Variants in LMNA observed in about 807,000 individuals in gnomAD.
LMNA encodes lamin.
In LMNA, 20 loss-of-function variants were observed where a neutral mutation model predicts 70.4. That is an observed-to-expected ratio of 0.28 (90% CI 0.20 to 0.41). LMNA has a LOEUF of 0.41. LMNA is among the 10% of genes least tolerant of loss of function. The probability of loss-of-function intolerance (pLI) is 1.00; values close to 1 mark genes in which losing one functional copy is unlikely to be tolerated. For missense variants in LMNA, 652 were observed against 917.2 expected (o/e 0.71, Z 3.73); for synonymous variants, 339 against 372.8 (o/e 0.91, Z 1.04).
Position 156,134,686 on chromosome 1 carries a change from A to C in LMNA, c.640-119A>C. 6.5e-7 allele frequency: 1 copy of C among 1,549,744 alleles called. No individual in the cohort carries two copies. The highest frequency in any genetic ancestry group is 1.1e-5 in the South Asian group (1 of 88,926). ...TGGCCAGCACTCAGCTCCCAGGTTA[A>C]AGTGGGGCTGGTAGTGGCTCATGGA... On this transcript the variant is annotated intron_variant, in intron 3 of 11. Transcript: ENST00000368300. The surrounding 1 kb of genome is among the most constrained non-coding windows in gnomAD (Gnocchi z 5.3).
At chr1:156,126,547 TC>T in intron 1 of LMNA, 1 of 754,250 alleles carries the variant, frequency 1.3e-6, no homozygotes, top group Non-Finnish European at 2.4e-6. Flanking sequence ...CTGGTGCCTT[TC>T]TTCCCCAAAC....
intron 3 of LMNA, among the ~76,000 whole-genome samples, chr1:156,105,510 A>G (rs746026209): frequency 7.9e-5 from 12 of 152,046 alleles, no homozygotes; most frequent in Non-Finnish European, 1.6e-4. Context: ...CCTGGCTGGG[A>G]GTTCACTTTC....
intron 2 of LMNA, 29 bp downstream of exon 2, chr1:156,130,802 G>A (rs1262889028): frequency 6.4e-7 from 1 of 1,554,342 alleles, no homozygotes. Flanking sequence ...GCCCACCCAT[G>A]GCCCCACCTA....
intron 2 of LMNA, among the ~76,000 whole-genome samples, chr1:156,084,636 G>C (rs1439758943): frequency 6.6e-6 from 1 of 152,136 alleles, no homozygotes; most frequent in East Asian, 1.9e-4. Flanking sequence ...TGGTACTGGG[G>C]ACCATGGGGT....
In LMNA at chr1:156,138,644, A is replaced by G; in HGVS notation, c.1855A>G (p.Ser619Gly). ...GPISSGSSASSVTVTRSYRSV... is the reference protein window; with the variant it reads ...GPISSGSSASGVTVTRSYRSV... ...CATCTCCTCTGGCTCTTCTGCCTCC[A>G]GTGTCACGGTCACTCGCAGCTACCG... Residue 619 changes from serine (S) to glycine (G), a missense_variant, in exon 11 of 12, where the codon AGT becomes GGT. Around this residue, in one of 4 missense-constraint regions of LMNA, gnomAD observed 327 missense variants for 387.6 expected, o/e 0.84. Transcript: ENST00000368300. The surrounding 1 kb of genome is among the most constrained non-coding windows in gnomAD (Gnocchi z 5.5). 1 of 1,613,544 alleles carries G rather than the reference A, an allele frequency of 6.2e-7. No individual in the cohort carries two copies.
intron 3 of LMNA, among the ~76,000 whole-genome samples, chr1:156,104,457 G>C (rs1324333684): frequency 6.6e-6 from 1 of 151,900 alleles, no homozygotes; most frequent in Non-Finnish European, 1.5e-5. Context: ...CCCTATTCCA[G>C]AGCCCCCTGG....
At chr1:156,114,645 G>T, upstream of LMNA, 1 of 307,032 alleles carries the variant, frequency 3.3e-6, no homozygotes. Context: ...GCCCCTTTAA[G>T]AGTAGTGGCC....
At chr1:156,093,325 T>A (rs887715396) in intron 3 of LMNA, among the ~76,000 whole-genome samples, 2 of 147,954 alleles carry the variant, frequency 1.4e-5, no homozygotes, top group South Asian at 2.1e-4. Context: ...TTTTTTTTTT[T>A]AGATAGGTTC....
At chr1:156,106,722 G>A (rs1286975014) in intron 3 of LMNA, 5 of 144,490 alleles carry the variant, frequency 3.5e-5, no homozygotes, top group Non-Finnish European at 7.5e-5. Context: ...AGGGGCCAAA[G>A]CTCGGGGATG....
rs1461927789 is a variant in LMNA, at chr1:156,114,870, C to A, written c.-49C>A. 3.8e-6 allele frequency: 5 copies of A among 1,330,958 alleles called. No homozygotes were observed. Among genetic ancestry groups the A allele is most frequent in the Non-Finnish European group, 4.1e-6 (4 of 984,190 alleles). The allele number at this position is 1,330,958 out of a possible 1,614,324, so 82.4% of individuals were successfully genotyped here. ...TCTGTCCTTCGACCCGAGCCCCGCGCCCTTTCCGGGACCCCTGCCCCGCGG... is the reference window on the plus strand; with the variant it reads ...TCTGTCCTTCGACCCGAGCCCCGCGACCTTTCCGGGACCCCTGCCCCGCGG... On this transcript the variant is annotated 5_prime_UTR_variant, in exon 1 of 12. Transcript: ENST00000368300.
At chr1:156,116,796 T>A (rs1487285640) in intron 1 of LMNA, among the ~76,000 whole-genome samples, 1 of 152,100 alleles carries the variant, frequency 6.6e-6, no homozygotes, top group African/African-American at 2.4e-5. Flanking sequence ...ACTCCCAACC[T>A]CAGGTGATCC....
At chr1:156,106,352 T>A (rs537873837) in intron 3 of LMNA, among the ~76,000 whole-genome samples, 16 of 152,062 alleles carry the variant, frequency 1.1e-4, no homozygotes, top group Admixed American at 9.2e-4. Flanking sequence ...AGTCCTGGAG[T>A]TGTGGCGCTT....
chr1:156,100,494 G>A (rs1649104698), intron 3 of LMNA, among the ~76,000 whole-genome samples: 1 of 152,108 alleles, frequency 6.6e-6, no homozygotes, highest in African/African-American at 2.4e-5. Context: ...CTGACACATG[G>A]TGAGTGCTCT....
At position 156,135,841 on chromosome 1, in the gene LMNA, C is replaced by A; in HGVS notation, c.937-60C>A. 6.9e-7 allele frequency: 1 copy of A among 1,456,920 alleles called. No homozygotes were observed. Among genetic ancestry groups the A allele is most frequent in the Non-Finnish European group, 9.5e-7 (1 of 1,047,584 alleles). The allele number at this position is 1,456,920 out of a possible 1,614,324, so 90.2% of individuals were successfully genotyped here. On this transcript the variant is annotated intron_variant, in intron 5 of 11. Coordinates refer to ENST00000368300, the MANE Select transcript of LMNA (RefSeq NM_170707.4). The surrounding 1 kb of genome is among the most constrained non-coding windows in gnomAD (Gnocchi z 4.8). ...AGGTGTCTCCTACACCGACCCACGTCCCTCCTTCCCCATACTTAGGGCCCT... is the reference window on the plus strand; with the variant it reads ...AGGTGTCTCCTACACCGACCCACGTACCTCCTTCCCCATACTTAGGGCCCT...
In LMNA at chr1:156,136,593, T is replaced by A; in HGVS notation, c.1380+157T>A. On this transcript the variant is annotated intron_variant, in intron 7 of 11. Coordinates refer to ENST00000368300, the MANE Select transcript of LMNA (RefSeq NM_170707.4). This position sits in a 1 kb window ranked among gnomAD's most constrained non-coding sequence, Gnocchi z 6.1. Reference sequence around the variant, plus strand: ...TCCACACTCTGGTTCCAGGCCTGGCTCCTGGACTCTTTGGCTGTGAGACCT... The same window carrying A: ...TCCACACTCTGGTTCCAGGCCTGGCACCTGGACTCTTTGGCTGTGAGACCT... 1.2e-6 allele frequency: 1 copy of A among 809,126 alleles called. No homozygotes were observed. Among genetic ancestry groups the A allele is most frequent in the Non-Finnish European group, 2.1e-6 (1 of 487,600 alleles). The allele number at this position is 809,126 out of a possible 1,614,324, so 50.1% of individuals were successfully genotyped here.
chr1:156,126,655 A>C, intron 1 of LMNA: 1 of 1,336,674 alleles, frequency 7.5e-7, no homozygotes, highest in Non-Finnish European at 1.1e-6. Context: ...CACATTTGCA[A>C]GTGCCAACTC....
At chr1:156,126,798 C>T in intron 1 of LMNA, 1 of 1,608,152 alleles carries the variant, frequency 6.2e-7, no homozygotes, top group Middle Eastern at 1.7e-4. Flanking sequence ...CAAGAGGCCA[C>T]TGGGATGCAG....
At chr1:156,084,799 C>G (rs1022478201) in intron 2 of LMNA, among the ~76,000 whole-genome samples, 2 of 152,212 alleles carry the variant, frequency 1.3e-5, no homozygotes, top group African/African-American at 4.8e-5. Context: ...AAATGAGATT[C>G]CCCCCAGACT....
chr1:156,129,911 A>G (rs1207262275), intron 1 of LMNA: 4 of 763,734 alleles, frequency 5.2e-6, no homozygotes, highest in South Asian at 2.8e-5. Context: ...GTAGATGGGT[A>G]GGGCTCAGCC....
Sources: gnomAD v4.1 joint callset for allele counts (sites outside exome capture counted in the v4.1 genomes callset) on GRCh38, gnomAD v4.1.1 for gene constraint, gnomAD v4.1.1 regional missense constraint, Gnocchi (gnomAD v3.1) non-coding constraint, MANE v1.5 for transcripts, NCBI Gene and HGNC (gene_info 2026-07-23, HGNC 2026-07-21) for gene names.